The following MTMR10 variants were observed in gnomAD, a reference collection of about 807,000 sequenced individuals.
MTMR10 encodes myotubularin-related protein 10.
MTMR10 carries 56 observed loss-of-function variants against 88.1 expected under a neutral mutation model. That is an observed-to-expected ratio of 0.64 (90% CI 0.51 to 0.79). The LOEUF (loss-of-function observed/expected upper bound fraction) is 0.79. Ranked by LOEUF, MTMR10 falls within the 30% of genes least tolerant of loss-of-function variation. The pLI, the probability that MTMR10 is intolerant of heterozygous loss-of-function variation, is 0.00. For synonymous variants in MTMR10, 380 were observed against 340.9 expected (o/e 1.11, Z -1.26); for missense variants, 883 against 924.7 (o/e 0.95, Z 0.58).
chr15:30,937,330 A>G, downstream of MTMR10: 1 of 1,440,256 alleles, frequency 6.9e-7, no homozygotes, highest in Non-Finnish European at 9.5e-7. Flanking sequence ...GTTTTATTTA[A>G]TTTTGTTATC....
rs1019382102 is a variant in MTMR10 at position 30,947,676 on chromosome 15, T to C, written c.1378-376A>G. ...CTTCTCTAATGTTTGGTTGATCCTG[T>C]AGGCTCAGCATCCAGAAAACATCCC... On this transcript the variant is annotated intron_variant, in intron 13 of 15. Transcript: ENST00000435680. Among the ~76,000 whole-genome samples the C allele has an allele frequency of 3.3e-5, 5 of 152,358 alleles. No individual in the cohort carries two copies. In the East Asian group the frequency reaches 9.6e-4, roughly 29 times the overall value.
intron 6 of MTMR10, among the ~76,000 whole-genome samples, chr15:30,967,562 AT>A (rs2063487442): frequency 6.6e-6 from 1 of 152,202 alleles, no homozygotes; most frequent in Admixed American, 6.5e-5. Flanking sequence ...CTTTTAATAT[AT>A]CTTTTAGTTT....
In MTMR10 at chr15:30,940,152, G is replaced by T. The variant is rs985619014; in HGVS notation, c.*1318C>A. Reference sequence around the variant, plus strand: ...GTTTAAGAAACAGTCAAATTTGAAAGTATCCATGTTTTAAGCGGGGAATGA... The same window carrying T: ...GTTTAAGAAACAGTCAAATTTGAAATTATCCATGTTTTAAGCGGGGAATGA... On this transcript the variant is annotated 3_prime_UTR_variant, in exon 16 of 16. Transcript: ENST00000435680. The T allele has an allele frequency of 1.0e-6, 1 of 985,456 alleles. No individual in the cohort carries two copies. Among genetic ancestry groups the T allele is most frequent in the Middle Eastern group, 5.2e-4 (1 of 1,914 alleles). 61.0% of individuals were successfully genotyped at this position (985,456 alleles called of 1,614,324 possible).
chr15:30,926,697 G>C, the MTMR10 span: 1 of 985,418 alleles, frequency 1.0e-6, no homozygotes, highest in Admixed American at 6.1e-5. Flanking sequence ...TAGAAGAATA[G>C]AATGCACATT....
chr15:30,982,227 T>C (rs1566968829), intron 2 of MTMR10, among the ~76,000 whole-genome samples: 1 of 152,200 alleles, frequency 6.6e-6, no homozygotes, highest in Non-Finnish European at 1.5e-5. Flanking sequence ...ATCCTGGATG[T>C]GAACCTGAAA....
intron 14 of MTMR10, among the ~76,000 whole-genome samples, chr15:30,944,965 T>C (rs1227743650): frequency 3.2e-4 from 49 of 151,798 alleles, no homozygotes; most frequent in Non-Finnish European, 4.4e-5. Context: ...TGAGCTGATA[T>C]TGTACCACTG....
At chr15:30,965,019 T>C (rs1429387335) in intron 6 of MTMR10, among the ~76,000 whole-genome samples, 1 of 152,196 alleles carries the variant, frequency 6.6e-6, no homozygotes, top group East Asian at 1.9e-4. Context: ...CTGTGAGTAT[T>C]AATCAGTTCA....
At chr15:30,957,215 A>C (rs187598242) in intron 9 of MTMR10, among the ~76,000 whole-genome samples, 65 of 152,354 alleles carry the variant, frequency 4.3e-4, no homozygotes, top group African/African-American at 1.5e-3. Context: ...CTGGGTGCTA[A>C]ATATATAACG....
In MTMR10 at chr15:30,991,621, G is replaced by C. The variant is rs2031343812; in HGVS notation, c.-115C>G. ...GCCCTTTCTGCGGCCAGCCGAGCCG[G>C]GCGGACTGACGGGCGGGGATACGGC... On this transcript the variant is annotated 5_prime_UTR_variant, in exon 1 of 16. Transcript: ENST00000435680. 7.7e-7 allele frequency: 1 copy of C among 1,304,780 alleles called. No individual in the cohort carries two copies. Among genetic ancestry groups the C allele is most frequent in the Non-Finnish European group, 1.0e-6 (1 of 990,744 alleles). The allele number at this position is 1,304,780 out of a possible 1,614,324, so 80.8% of individuals were successfully genotyped here. A position where few individuals can be genotyped will look rare whatever the true frequency, so the allele number is the denominator to read the frequency against.
chr15:30,943,099 C>A (rs1241996405), intron 14 of MTMR10, 27 bp from the exon 15 acceptor site: 3 of 1,526,776 alleles, frequency 2.0e-6, no homozygotes, highest in Non-Finnish European at 2.6e-6. Flanking sequence ...TAAATATTTG[C>A]AAAACTAAAG....
At chr15:30,991,282 C>G in intron 1 of MTMR10, 165 bp downstream of exon 1, 3 of 624,086 alleles carry the variant, frequency 4.8e-6, no homozygotes, top group Non-Finnish European at 5.0e-6. Flanking sequence ...CCAGTGGGGG[C>G]TCCCGAGAAG....
intron 6 of MTMR10, 58 bp downstream of exon 6, chr15:30,967,862 T>A (rs2063490337): frequency 2.2e-6 from 3 of 1,388,566 alleles, no homozygotes; most frequent in Non-Finnish European, 3.0e-6. Context: ...CCGGTAAACA[T>A]AAGAGTAAAA....
At chr15:30,928,652 G>A in the MTMR10 span, 1 of 1,613,986 alleles carries the variant, frequency 6.2e-7, no homozygotes, top group Non-Finnish European at 8.5e-7. Context: ...AGAAACGCCT[G>A]TCAGGTACTC....
rs367919481 is a variant in MTMR10, at chr15:30,940,795, GTAA to G, written c.*672_*674del. On this transcript the variant is annotated 3_prime_UTR_variant, in exon 16 of 16. Transcript: ENST00000435680. ...AAAAAGTGAAATTATATTTTCTTCT[GTAA>G]TATTTGTATCCTAAAGTCAAAGGCA... 552 of 986,932 alleles carry G rather than the reference GTAA, an allele frequency of 5.6e-4. 2 individuals carry two copies. In the African/African-American group the frequency reaches 8.8e-3, roughly 16 times the overall value. 61.1% of individuals were successfully genotyped at this position (986,932 alleles called of 1,614,324 possible).
At chr15:30,919,702 A>AAT in the MTMR10 span, among the ~76,000 whole-genome samples, 1 of 151,444 alleles carries the variant, frequency 6.6e-6, no homozygotes, top group African/African-American at 2.4e-5. Context: ...GAAAAAAAAA[A>AAT]AAAAAAAGAA....
At chr15:30,943,221 G>C (rs1195683794) in intron 14 of MTMR10, 149 bp from the exon 15 acceptor site, 1 of 1,399,790 alleles carries the variant, frequency 7.1e-7, no homozygotes, top group Admixed American at 3.0e-5. Context: ...TTCAAGAGAG[G>C]AGACGCTCCT....
intron 12 of MTMR10, among the ~76,000 whole-genome samples, chr15:30,950,774 C>G (rs2063233513): frequency 6.6e-6 from 1 of 152,104 alleles, no homozygotes; most frequent in African/African-American, 2.4e-5. Flanking sequence ...GGAACTCATT[C>G]CAGGGCCTCC....
In MTMR10 at chr15:30,941,165, T is replaced by G; in HGVS notation, c.*305A>C. On this transcript the variant is annotated 3_prime_UTR_variant, in exon 16 of 16. Coordinates refer to ENST00000435680, the MANE Select transcript of MTMR10 (RefSeq NM_017762.3). ...GCTGCTAATGTGACTGACTATCAGA[T>G]AGCCTTCAGGAGGTGGTAGGAAAAA... is the stretch of plus-strand genomic sequence containing the variant. 3.0e-6 allele frequency: 4 copies of G among 1,320,414 alleles called. No individual in the cohort carries two copies. Among genetic ancestry groups the G allele is most frequent in the Non-Finnish European group, 4.0e-6 (4 of 1,010,268 alleles). The allele number at this position is 1,320,414 out of a possible 1,614,324, so 81.8% of individuals were successfully genotyped here.
chr15:30,980,942 A>G (rs1009750293), intron 2 of MTMR10, among the ~76,000 whole-genome samples: 2 of 152,254 alleles, frequency 1.3e-5, no homozygotes, highest in African/African-American at 4.8e-5. Flanking sequence ...AATGGCGGAG[A>G]AGAGACAAAT....
Sources: gnomAD v4.1 joint callset for allele counts (sites outside exome capture counted in the v4.1 genomes callset) on GRCh38, gnomAD v4.1.1 for gene constraint, MANE v1.5 for transcripts, NCBI Gene and HGNC (gene_info 2026-07-23, HGNC 2026-07-21) for gene names.